The following RABGAP1 variants were observed in gnomAD, a reference collection of about 807,000 sequenced individuals.
The protein encoded by RABGAP1 is rab GTPase-activating protein 1.
Under a neutral mutation model 137.6 loss-of-function variants are expected in RABGAP1, and 23 were observed. That is an observed-to-expected ratio of 0.17 (90% CI 0.12 to 0.24). The LOEUF is 0.24. Among genes scored for constraint, RABGAP1 ranks in the 10% least tolerant of loss-of-function variants. The pLI is 1.00. For missense variants in RABGAP1, 906 were observed against 1,275.8 expected (o/e 0.71, Z 4.42); for synonymous variants, 451 against 450.7 (o/e 1.00, Z -0.01).
intron 13 of RABGAP1, among the ~76,000 whole-genome samples, chr9:123,046,789 C>A (rs2033227248): frequency 6.6e-6 from 1 of 152,102 alleles, no homozygotes; most frequent in Admixed American, 6.5e-5. Context: ...GAATACATGG[C>A]TAAGGGATTT....
At chr9:123,029,817 G>C in intron 13 of RABGAP1, 2 of 433,870 alleles carry the variant, frequency 4.6e-6, no homozygotes, top group Non-Finnish European at 8.7e-6. Context: ...AAAAAGTGAA[G>C]CTCATTTTTA....
At chr9:123,020,038 CTTTTTT>C (rs1214217042) in intron 12 of RABGAP1, among the ~76,000 whole-genome samples, 2 of 142,764 alleles carry the variant, frequency 1.4e-5, no homozygotes, top group African/African-American at 2.6e-5. Flanking sequence ...TCCAGTTTTG[CTTTTTT>C]TTTTTTTTTT....
intron 2 of RABGAP1, among the ~76,000 whole-genome samples, chr9:122,967,672 TG>T (rs1286681366): frequency 1.3e-5 from 2 of 152,128 alleles, no homozygotes; most frequent in Non-Finnish European, 2.9e-5. Context: ...TTATAGTACA[TG>T]GGGGGAACCC....
rs772748438 is a variant in RABGAP1 at position 123,020,469 on chromosome 9, TG to T, written c.1794+11del. Reference sequence around the variant, plus strand: ...CATTCTTATCACAAAGGTAAGGGGGTGATAATTCAGCTTCAGCATTAATCCT... The same window carrying T: ...CATTCTTATCACAAAGGTAAGGGGGTATAATTCAGCTTCAGCATTAATCCT... On this transcript the variant is annotated intron_variant, in intron 13 of 25. Transcript: ENST00000373647. 1 of 1,535,320 alleles carries T rather than the reference TG, an allele frequency of 6.5e-7. No individual in the cohort carries two copies. Among genetic ancestry groups the T allele is most frequent in the South Asian group, 1.3e-5 (1 of 76,146 alleles).
At chr9:122,934,451 A>G in the RABGAP1 span, among the ~76,000 whole-genome samples, 2 of 152,168 alleles carry the variant, frequency 1.3e-5, no homozygotes, top group African/African-American at 2.4e-5. Context: ...ATTTAGTTGG[A>G]GCATGTGGAT....
intron 2 of RABGAP1, among the ~76,000 whole-genome samples, chr9:122,963,905 A>G (rs151074987): frequency 1.4e-4 from 21 of 152,348 alleles, no homozygotes; most frequent in African/African-American, 4.8e-4. Flanking sequence ...CTGGAATCAT[A>G]AATGAAAGGG....
intron 2 of RABGAP1, chr9:122,971,694 T>C (rs931545161): frequency 1.3e-5 from 2 of 152,164 alleles, no homozygotes; most frequent in Admixed American, 6.5e-5. Context: ...GCAGCAGATA[T>C]GTTAAACAGC....
chr9:122,984,789 T>C, intron 3 of RABGAP1, 70 bp downstream of exon 3: 2 of 1,382,536 alleles, frequency 1.4e-6, no homozygotes, highest in Non-Finnish European at 2.0e-6. Flanking sequence ...CACCCTGTAC[T>C]AGGTTTTATT....
At chr9:123,024,088 A>G (rs1459915531) in intron 13 of RABGAP1, among the ~76,000 whole-genome samples, 1 of 152,238 alleles carries the variant, frequency 6.6e-6, no homozygotes, top group Admixed American at 6.5e-5. Flanking sequence ...ATGACCTTTC[A>G]GTAACATAAA....
At chr9:123,023,569 T>C (rs973524337) in intron 13 of RABGAP1, among the ~76,000 whole-genome samples, 1 of 152,030 alleles carries the variant, frequency 6.6e-6, no homozygotes, top group African/African-American at 2.4e-5. Flanking sequence ...TTTGAGAGTG[T>C]ATCAGTAGCT....
At chr9:123,086,588 G>C (rs1432420209) in intron 19 of RABGAP1, among the ~76,000 whole-genome samples, 1 of 152,122 alleles carries the variant, frequency 6.6e-6, no homozygotes, top group African/African-American at 2.4e-5. Flanking sequence ...AAACTAGTTG[G>C]GTTTGGTATG....
chr9:123,069,213 C>T (rs1283639146), intron 14 of RABGAP1, among the ~76,000 whole-genome samples: 1 of 152,122 alleles, frequency 6.6e-6, no homozygotes, highest in East Asian at 1.9e-4. Context: ...CAGAGGAACC[C>T]ACAAATGGTT....
chr9:122,988,942 C>CAAA, intron 4 of RABGAP1, among the ~76,000 whole-genome samples: 1 of 57,062 alleles, frequency 1.8e-5, no homozygotes, highest in South Asian at 5.3e-4. Flanking sequence ...AAACTTGTCT[C>CAAA]AAAAAAAAAA....
At position 123,070,881 on chromosome 9, in the gene RABGAP1, T is replaced by C. The variant is rs2034333163; in HGVS notation, c.1983+457T>C. Among the ~76,000 whole-genome samples, 1 of 151,978 alleles carries C rather than the reference T, an allele frequency of 6.6e-6. No homozygotes were observed. Among genetic ancestry groups the C allele is most frequent in the Non-Finnish European group, 1.5e-5 (1 of 68,036 alleles). On this transcript the variant is annotated intron_variant, in intron 15 of 25. Coordinates refer to ENST00000373647, the MANE Select transcript of RABGAP1 (RefSeq NM_012197.4). This position sits in a 1 kb window ranked among gnomAD's most constrained non-coding sequence, Gnocchi z 4.4. ...ATTTTCTTTCAAATCCACAGAAAAC[T>C]CTAAACAGTGTTAAGGTGAACAGTC...
intron 5 of RABGAP1, 145 bp from the exon 6 acceptor site, chr9:122,989,911 A>G: frequency 1.1e-6 from 1 of 904,354 alleles, no homozygotes; most frequent in Non-Finnish European, 1.6e-6. Flanking sequence ...CTTGCTTTAT[A>G]GGCCTAACAA....
At chr9:123,094,161 G>C (rs934976630) in intron 21 of RABGAP1, among the ~76,000 whole-genome samples, 1 of 152,158 alleles carries the variant, frequency 6.6e-6, no homozygotes, top group East Asian at 1.9e-4. Flanking sequence ...TATTTTTTCA[G>C]ATTTTCCACA....
chr9:122,947,200 C>G (rs932393933), intron 1 of RABGAP1, among the ~76,000 whole-genome samples: 1 of 152,098 alleles, frequency 6.6e-6, no homozygotes, highest in African/African-American at 2.4e-5. Context: ...TATGAATAAA[C>G]CTTGAAGACT....
chr9:123,011,280 G>C (rs1397589058), intron 11 of RABGAP1, among the ~76,000 whole-genome samples: 1 of 152,198 alleles, frequency 6.6e-6, no homozygotes, highest in Non-Finnish European at 1.5e-5. Flanking sequence ...TGTGGGGAAT[G>C]TTGTGGGGCA....
rs373326182 is a variant in RABGAP1, at chr9:122,988,597, T to C, written c.591-700T>C. On this transcript the variant is annotated intron_variant, in intron 4 of 25. Coordinates refer to ENST00000373647, the MANE Select transcript of RABGAP1 (RefSeq NM_012197.4). Reference sequence around the variant, plus strand: ...GTTTCAGTCTGAGAAAAAGCATCAGTTTTTTGTTTTTTATTTTTTCATAAC... The same window carrying C: ...GTTTCAGTCTGAGAAAAAGCATCAGCTTTTTGTTTTTTATTTTTTCATAAC... Among the ~76,000 whole-genome samples, 91 of 151,634 alleles carry C rather than the reference T, an allele frequency of 6.0e-4. 1 individual carries two copies. Among genetic ancestry groups the C allele is most frequent in the Admixed American group, 2.2e-3 (33 of 15,162 alleles).
Sources: allele counts gnomAD v4.1 joint callset (sites outside exome capture counted in the v4.1 genomes callset), GRCh38; gene constraint gnomAD v4.1.1; non-coding constraint Gnocchi (gnomAD v3.1); transcripts MANE v1.5; gene names NCBI Gene and HGNC (gene_info 2026-07-23, HGNC 2026-07-21).